The following LRMDA variants were observed in gnomAD, a reference collection of about 807,000 sequenced individuals.
LRMDA encodes leucine-rich melanocyte differentiation-associated protein.
A neutral mutation model predicts 29.8 loss-of-function variants in LRMDA; 18 were observed. That is an observed-to-expected ratio of 0.60 (90% CI 0.42 to 0.90). The LOEUF (loss-of-function observed/expected upper bound fraction) is 0.90. Among genes scored for constraint, LRMDA ranks in the 40% least tolerant of loss-of-function variants. The pLI, the probability that LRMDA is intolerant of heterozygous loss-of-function variation, is 0.00. For synonymous variants in LRMDA, 125 were observed against 109.4 expected (o/e 1.14, Z -0.89); for missense variants, 273 against 273.9 (o/e 1.00, Z 0.02).
intron 6 of LRMDA, among the ~76,000 whole-genome samples, chr10:76,458,773 TA>T (rs1842483393): frequency 6.6e-6 from 1 of 152,168 alleles, no homozygotes; most frequent in Non-Finnish European, 1.5e-5. Context: ...TACAGTGCAT[TA>T]TTTTGTTTTA....
intron 2 of LRMDA, among the ~76,000 whole-genome samples, chr10:75,791,789 C>T (rs533464972): frequency 4.0e-5 from 6 of 151,772 alleles, no homozygotes; most frequent in African/African-American, 9.7e-5. Flanking sequence ...ATGATCTGAC[C>T]GCTTGCTAAA....
chr10:76,478,887 A>C (rs909032267), intron 6 of LRMDA, among the ~76,000 whole-genome samples: 1 of 117,392 alleles, frequency 8.5e-6, no homozygotes. Context: ...TCACACACCA[A>C]GGCCTGTTGT....
intron 6 of LRMDA, among the ~76,000 whole-genome samples, chr10:76,373,031 G>A (rs561779417): frequency 5.3e-5 from 8 of 152,128 alleles, no homozygotes; most frequent in African/African-American, 1.2e-4. Flanking sequence ...TAAGCCTATC[G>A]AAGACCATGT....
At chr10:75,970,614 C>T (rs1409419624) in intron 2 of LRMDA, among the ~76,000 whole-genome samples, 1 of 152,164 alleles carries the variant, frequency 6.6e-6, no homozygotes, top group Non-Finnish European at 1.5e-5. Context: ...TCTAGTTGCC[C>T]AACCCTCCTT....
At chr10:76,427,874 G>A (rs1452289894) in intron 6 of LRMDA, among the ~76,000 whole-genome samples, 4 of 152,134 alleles carry the variant, frequency 2.6e-5, no homozygotes, top group Non-Finnish European at 4.4e-5. Flanking sequence ...TGTGGTGTTT[G>A]TCTTTGGTTC....
At chr10:76,027,178 T>C (rs1190567813) in intron 2 of LRMDA, among the ~76,000 whole-genome samples, 1 of 152,144 alleles carries the variant, frequency 6.6e-6, no homozygotes, top group Admixed American at 6.5e-5. Flanking sequence ...CCTTTGAATC[T>C]GGCACCTGGA....
intron 1 of LRMDA, 92 bp downstream of exon 1, chr10:75,431,846 C>A: frequency 8.4e-7 from 1 of 1,187,122 alleles, no homozygotes; most frequent in Non-Finnish European, 1.1e-6. Flanking sequence ...CTAGACACCC[C>A]TGTCCCCGCC....
At chr10:75,579,473 G>A (rs1383837958) in intron 2 of LRMDA, among the ~76,000 whole-genome samples, 1 of 152,182 alleles carries the variant, frequency 6.6e-6, no homozygotes, top group Non-Finnish European at 1.5e-5. Context: ...TGGATTCACA[G>A]CTGAATCCTA....
intron 6 of LRMDA, among the ~76,000 whole-genome samples, chr10:76,380,445 G>A (rs10762720): frequency 0.89 from 135,191 of 151,904 alleles, 60,866 homozygotes; most frequent in Non-Finnish European, 0.96. Context: ...CGAGGCAGGC[G>A]GATCACAAGG....
Position 76,324,428 on chromosome 10 carries a change from C to T in LRMDA, c.544C>T (p.Pro182Ser). The T allele has an allele frequency of 6.2e-7, 1 of 1,614,080 alleles. No homozygotes were observed. Among genetic ancestry groups the T allele is most frequent in the Non-Finnish European group, 8.5e-7 (1 of 1,180,010 alleles). ...KASSEDVASS[P>S]ERHYTPLPSA... ...TTCTAGTGAGGACGTTGCCAGCTCC[C>T]CGGAGCGCCACTACACGCCCTTGCC... The change falls in exon 6 of 7, where the codon CCG (proline) becomes TCG (serine). Residue 182 changes from proline to serine, a missense_variant. Pro to Ser is a moderately conservative substitution (Grantham distance 74). Transcript: ENST00000611255.
intron 2 of LRMDA, among the ~76,000 whole-genome samples, chr10:75,972,488 A>G (rs1846992503): frequency 6.6e-6 from 1 of 152,174 alleles, no homozygotes; most frequent in African/African-American, 2.4e-5. Flanking sequence ...TTTGAAAAAC[A>G]ATACAAAAAA....
intron 2 of LRMDA, among the ~76,000 whole-genome samples, chr10:75,910,359 G>T (rs1437495014): frequency 6.6e-6 from 1 of 152,086 alleles, no homozygotes; most frequent in East Asian, 1.9e-4. Context: ...AAACTATAAA[G>T]TAAATTTTCT....
chr10:76,127,156 A>C (rs74150503), intron 5 of LRMDA, among the ~76,000 whole-genome samples: 79 of 152,334 alleles, frequency 5.2e-4, no homozygotes, highest in African/African-American at 1.9e-3. Flanking sequence ...GGCTTGTGCA[A>C]GTAGAAATAA....
intron 6 of LRMDA, among the ~76,000 whole-genome samples, chr10:76,456,753 C>A (rs866827431): frequency 9.2e-5 from 14 of 151,920 alleles, no homozygotes; most frequent in Non-Finnish European, 1.9e-4. Context: ...ATGTGCCCAG[C>A]CTGTCCTTTC....
chr10:76,184,153 G>T (rs1190827446), intron 5 of LRMDA, among the ~76,000 whole-genome samples: 1 of 151,688 alleles, frequency 6.6e-6, no homozygotes, highest in African/African-American at 2.4e-5. Flanking sequence ...GCCTCAGCTT[G>T]CCATGTAGCT....
At chr10:76,219,706 A>G (rs1237218818) in intron 5 of LRMDA, among the ~76,000 whole-genome samples, 2 of 152,166 alleles carry the variant, frequency 1.3e-5, no homozygotes, top group African/African-American at 4.8e-5. Context: ...AGACAGATCA[A>G]CGAGACAGAA....
At chr10:75,943,959 T>G (rs918568407) in intron 2 of LRMDA, among the ~76,000 whole-genome samples, 1 of 152,196 alleles carries the variant, frequency 6.6e-6, no homozygotes, top group Middle Eastern at 3.2e-3. Flanking sequence ...TGAAAGAAAT[T>G]GAAAGAAGTG....
chr10:76,160,989 G>A (rs545703951), intron 5 of LRMDA, among the ~76,000 whole-genome samples: 2 of 152,262 alleles, frequency 1.3e-5, no homozygotes, highest in South Asian at 2.1e-4. Flanking sequence ...ACCGCAAGGG[G>A]TGGGAGGTTA....
At chr10:75,722,735 C>A (rs1282086510) in intron 2 of LRMDA, among the ~76,000 whole-genome samples, 1 of 152,160 alleles carries the variant, frequency 6.6e-6, no homozygotes, top group Non-Finnish European at 1.5e-5. Flanking sequence ...AAAATGGTTT[C>A]TTTGGCAGCA....
Sources: gnomAD v4.1 joint callset for allele counts (sites outside exome capture counted in the v4.1 genomes callset) on GRCh38, gnomAD v4.1.1 for gene constraint, MANE v1.5 for transcripts, NCBI Gene and HGNC (gene_info 2026-07-23, HGNC 2026-07-21) for gene names.